Variants in CIMAP2 observed in about 807,000 individuals in gnomAD.
CIMAP2 encodes the protein ciliary microtubule associated protein 2, also known as ciliary microtubule-associated protein 2.
chr1:54,838,410 C>G, the CIMAP2 span, among the ~76,000 whole-genome samples: 1 of 151,598 alleles, frequency 6.6e-6, no homozygotes, highest in Non-Finnish European at 1.5e-5. Flanking sequence ...TTGAATCCAG[C>G]GGTGGAGGTT....
the CIMAP2 span, among the ~76,000 whole-genome samples, chr1:54,825,137 G>A: frequency 1.5e-5 from 2 of 133,664 alleles, no homozygotes; most frequent in South Asian, 2.5e-4. Flanking sequence ...TGCAAGCTCC[G>A]CCTCCAGGGT....
chr1:54,806,372 G>A, the CIMAP2 span: 1 of 750,214 alleles, frequency 1.3e-6, no homozygotes, highest in Non-Finnish European at 2.0e-6. Context: ...GGGGCCGGCA[G>A]TGAGGAGGGG....
the CIMAP2 span, chr1:54,811,765 G>GCCGGGGGGGGGGGGCCCCCCCCCC: frequency 3.8e-5 from 49 of 1,301,230 alleles, no homozygotes; most frequent in East Asian, 7.4e-5. Context: ...GGTTCTGACA[G>GCCGGGGGGGGGGGGCCCCCCCCCC]CCTCCATGCC....
the CIMAP2 span, among the ~76,000 whole-genome samples, chr1:54,834,486 A>G: frequency 5.1e-4 from 77 of 152,342 alleles, no homozygotes; most frequent in African/African-American, 1.6e-3. Flanking sequence ...AATTTCAAAC[A>G]TATAGCAAAG....
the CIMAP2 span, among the ~76,000 whole-genome samples, chr1:54,833,148 G>A: frequency 7.9e-5 from 12 of 152,210 alleles, no homozygotes; most frequent in African/African-American, 2.4e-4. Flanking sequence ...GATTGCGGGT[G>A]TAAAATGTAG....
chr1:54,815,779 C>T, the CIMAP2 span, among the ~76,000 whole-genome samples: 1 of 152,210 alleles, frequency 6.6e-6, no homozygotes, highest in East Asian at 1.9e-4. Flanking sequence ...CACATAATGG[C>T]CGTAACTATC....
At chr1:54,830,332 C>T in the CIMAP2 span, among the ~76,000 whole-genome samples, 1 of 152,168 alleles carries the variant, frequency 6.6e-6, no homozygotes, top group Non-Finnish European at 1.5e-5. The surrounding 1 kb of genome is among the most constrained non-coding windows in gnomAD (Gnocchi z 4.1). Context: ...AAGTGATTCT[C>T]CTGCCTCAGC....
the CIMAP2 span, among the ~76,000 whole-genome samples, chr1:54,829,330 A>G: frequency 0.2 from 29,960 of 152,142 alleles, 3,057 homozygotes; most frequent in East Asian, 0.34. Context: ...GGACCTGGTG[A>G]GGCCTAACTA....
chr1:54,817,590 T>G, the CIMAP2 span, among the ~76,000 whole-genome samples: 1 of 152,348 alleles, frequency 6.6e-6, no homozygotes, highest in East Asian at 1.9e-4. Flanking sequence ...CATTAAATAC[T>G]GTGGCAAACT....
At chr1:54,812,219 T>C in the CIMAP2 span, 1 of 1,612,974 alleles carries the variant, frequency 6.2e-7, no homozygotes. Context: ...AGGGTGTTAG[T>C]CCATGCCCCA....
the CIMAP2 span, chr1:54,842,059 C>T: frequency 1.8e-3 from 1,098 of 624,482 alleles, 3 homozygotes; most frequent in Non-Finnish European, 2.1e-3. Context: ...CAGTGTCTTC[C>T]GGGACAGCTG....
At chr1:54,835,950 C>T in the CIMAP2 span, among the ~76,000 whole-genome samples, 1 of 152,100 alleles carries the variant, frequency 6.6e-6, no homozygotes, top group Admixed American at 6.5e-5. Flanking sequence ...CACCATGACC[C>T]ATCTTCCTGC....
chr1:54,812,947 C>T, the CIMAP2 span, among the ~76,000 whole-genome samples: 3 of 152,232 alleles, frequency 2.0e-5, no homozygotes, highest in East Asian at 1.9e-4. Flanking sequence ...TGGTGGTTAA[C>T]GTAGAAGGAC....
the CIMAP2 span, chr1:54,811,765 G>GCCGGGGGGGGCCCC: frequency 2.3e-6 from 3 of 1,301,324 alleles, no homozygotes; most frequent in Non-Finnish European, 2.2e-6. Context: ...GGTTCTGACA[G>GCCGGGGGGGGCCCC]CCTCCATGCC....
At chr1:54,829,174 T>C in the CIMAP2 span, among the ~76,000 whole-genome samples, 3 of 152,192 alleles carry the variant, frequency 2.0e-5, no homozygotes, top group East Asian at 1.9e-4. Context: ...ATCAGAAAAA[T>C]AGTACAAATA....
At chr1:54,813,947 C>CCAACCT in the CIMAP2 span, 4 of 1,609,874 alleles carry the variant, frequency 2.5e-6, no homozygotes, top group South Asian at 4.4e-5. Flanking sequence ...ATTTACTGGG[C>CCAACCT]CAACCTCAGC....
At chr1:54,836,716 G>T in the CIMAP2 span, among the ~76,000 whole-genome samples, 23,813 of 151,934 alleles carry the variant, frequency 0.16, 2,121 homozygotes, top group African/African-American at 0.21. Context: ...TACCTGGAAA[G>T]GTGGCCTGGA....
chr1:54,826,192 C>T, the CIMAP2 span, among the ~76,000 whole-genome samples: 1 of 152,186 alleles, frequency 6.6e-6, no homozygotes, highest in African/African-American at 2.4e-5. Context: ...TGCAGGTGTG[C>T]AGCAGCTCTG....
At chr1:54,811,767 C>CGGGGGGGGGGGGGGGGGGG in the CIMAP2 span, 11 of 1,088,158 alleles carry the variant, frequency 1.0e-5, no homozygotes, top group Non-Finnish European at 1.4e-5. Flanking sequence ...TTCTGACAGC[C>CGGGGGGGGGGGGGGGGGGG]TCCATGCCCC....
Sources: gnomAD v4.1 joint callset for allele counts (sites outside exome capture counted in the v4.1 genomes callset) on GRCh38, gnomAD v4.1.1 for gene constraint, Gnocchi (gnomAD v3.1) non-coding constraint, MANE v1.5 for transcripts, NCBI Gene and HGNC (gene_info 2026-07-23, HGNC 2026-07-21) for gene names.